FHIT: variants seen among roughly 807,000 people sequenced by gnomAD.
FHIT encodes the protein fragile histidine triad diadenosine triphosphatase.
A neutral mutation model predicts 17.9 loss-of-function variants in FHIT; 19 were observed. The observed-to-expected ratio is 1.06, with a 90% CI of 0.74 to 1.56. The LOEUF (loss-of-function observed/expected upper bound fraction) is 1.56, where lower values mean the gene tolerates loss of function less well. Among genes scored for constraint, FHIT ranks in the 40% most tolerant of loss-of-function variants. The pLI is 0.00. For synonymous variants in FHIT, 81 were observed against 69.7 expected (o/e 1.16, Z -0.81); for missense variants, 248 against 189.2 (o/e 1.31, Z -1.82).
chr3:60,887,659 A>T (rs1705290861), intron 3 of FHIT, among the ~76,000 whole-genome samples: 1 of 151,346 alleles, frequency 6.6e-6, no homozygotes, highest in African/African-American at 2.4e-5. Context: ...AACAAAAAAC[A>T]AAAAAAAAGA....
chr3:60,687,679 A>G (rs2040889050), intron 4 of FHIT, among the ~76,000 whole-genome samples: 1 of 152,114 alleles, frequency 6.6e-6, no homozygotes, highest in Admixed American at 6.6e-5. Context: ...TTATTAAATC[A>G]TCTTTGTTAG....
chr3:60,794,404 G>A (rs1398361328), intron 4 of FHIT, among the ~76,000 whole-genome samples: 1 of 150,080 alleles, frequency 6.7e-6, no homozygotes, highest in Non-Finnish European at 1.5e-5. Flanking sequence ...ATGGATGGAT[G>A]GATGGATGGA....
chr3:60,626,998 A>G (rs975921100), intron 4 of FHIT, among the ~76,000 whole-genome samples: 2 of 151,984 alleles, frequency 1.3e-5, no homozygotes, highest in Non-Finnish European at 2.9e-5. Flanking sequence ...TATTACATTT[A>G]TTAGTTTTCA....
At chr3:60,826,102 T>C (rs1233552744) in intron 3 of FHIT, among the ~76,000 whole-genome samples, 5 of 151,762 alleles carry the variant, frequency 3.3e-5, no homozygotes, top group Non-Finnish European at 7.4e-5. Context: ...CTGTGCTTTT[T>C]TGTTTTCTGC....
At chr3:61,042,363 G>C (rs914599908) in intron 2 of FHIT, among the ~76,000 whole-genome samples, 1 of 152,112 alleles carries the variant, frequency 6.6e-6, no homozygotes, top group Non-Finnish European at 1.5e-5. Flanking sequence ...AAGGACAACA[G>C]GATTGAAACT....
At chr3:60,734,522 C>T (rs1032738170) in intron 4 of FHIT, among the ~76,000 whole-genome samples, 2 of 152,172 alleles carry the variant, frequency 1.3e-5, no homozygotes, top group Admixed American at 6.5e-5. Flanking sequence ...CCCACCTCAG[C>T]CCCCAAGAAG....
intron 5 of FHIT, among the ~76,000 whole-genome samples, chr3:60,280,941 A>G (rs535918005): frequency 1.3e-4 from 3 of 22,630 alleles, no homozygotes; most frequent in East Asian, 0.027. Context: ...AAAAATCCTA[A>G]AAAATTGACA....
At chr3:60,545,040 T>G (rs1397453159) in intron 4 of FHIT, among the ~76,000 whole-genome samples, 1 of 152,172 alleles carries the variant, frequency 6.6e-6, no homozygotes, top group Non-Finnish European at 1.5e-5. Flanking sequence ...TTTTCTCCTG[T>G]GCCAGAAAGG....
chr3:60,149,786 C>A (rs558052968), intron 5 of FHIT, among the ~76,000 whole-genome samples: 1 of 151,548 alleles, frequency 6.6e-6, no homozygotes, highest in South Asian at 2.1e-4. Context: ...CCCCTACCCC[C>A]CTACCCCCCT....
At chr3:59,918,472 G>T (rs760491299) in intron 8 of FHIT, among the ~76,000 whole-genome samples, 3 of 151,824 alleles carry the variant, frequency 2.0e-5, no homozygotes, top group African/African-American at 7.2e-5. Context: ...GACCCTTTGA[G>T]GAGGTTCTGC....
intron 3 of FHIT, among the ~76,000 whole-genome samples, chr3:60,984,564 A>G (rs1205033918): frequency 6.6e-6 from 1 of 152,230 alleles, no homozygotes; most frequent in Admixed American, 6.5e-5. Flanking sequence ...GTGGTGATCT[A>G]ACATAGGCAG....
chr3:59,911,730 G>A (rs984352570), intron 8 of FHIT, among the ~76,000 whole-genome samples: 5 of 152,148 alleles, frequency 3.3e-5, no homozygotes, highest in African/African-American at 1.2e-4. Context: ...TCAGGGGGAG[G>A]TTTTGACAGG....
At chr3:59,926,300 A>G (rs1393014013) in intron 7 of FHIT, among the ~76,000 whole-genome samples, 5 of 152,312 alleles carry the variant, frequency 3.3e-5, no homozygotes, top group African/African-American at 7.2e-5. Context: ...ACACTTTTCT[A>G]AAGTATACAT....
intron 5 of FHIT, among the ~76,000 whole-genome samples, chr3:60,216,488 G>T (rs955307972): frequency 1.3e-5 from 2 of 152,128 alleles, no homozygotes; most frequent in African/African-American, 4.8e-5. Context: ...CTTCACTGGG[G>T]TAAGAGAGAA....
At chr3:60,480,528 A>G (rs866138934) in intron 5 of FHIT, among the ~76,000 whole-genome samples, 5 of 152,196 alleles carry the variant, frequency 3.3e-5, no homozygotes, top group African/African-American at 7.2e-5. Context: ...ACTCAAAAAC[A>G]AGTTAGTTAC....
intron 3 of FHIT, among the ~76,000 whole-genome samples, chr3:60,884,804 CCA>C (rs1705140027): frequency 2.7e-5 from 4 of 150,708 alleles, no homozygotes; most frequent in Admixed American, 1.3e-4. Context: ...ACTTGGAAGA[CCA>C]AAGTGGGAAG....
At chr3:61,044,931 C>T (rs1284750161) in intron 2 of FHIT, among the ~76,000 whole-genome samples, 1 of 152,168 alleles carries the variant, frequency 6.6e-6, no homozygotes, top group Non-Finnish European at 1.5e-5. Flanking sequence ...CAAGCCAATA[C>T]TGAGAGATTT....
At chr3:59,949,136 C>T (rs1706986340) in intron 7 of FHIT, among the ~76,000 whole-genome samples, 1 of 152,220 alleles carries the variant, frequency 6.6e-6, no homozygotes, top group Admixed American at 6.5e-5. Context: ...TGAGAACACA[C>T]ATATACCAGA....
intron 3 of FHIT, among the ~76,000 whole-genome samples, chr3:60,898,242 T>A (rs1553762353): frequency 1.3e-5 from 2 of 152,192 alleles, no homozygotes; most frequent in South Asian, 4.1e-4. Flanking sequence ...TTATACTGTA[T>A]AAAGACATAA....
Sources: gnomAD v4.1 joint callset for allele counts (sites outside exome capture counted in the v4.1 genomes callset) on GRCh38, gnomAD v4.1.1 for gene constraint, MANE v1.5 for transcripts, NCBI Gene and HGNC (gene_info 2026-07-23, HGNC 2026-07-21) for gene names.